Variants in PRKCA observed in about 807,000 individuals in gnomAD.
The protein encoded by PRKCA is protein kinase C alpha.
Under a neutral mutation model 87.0 loss-of-function variants are expected in PRKCA, and 27 were observed. The ratio of observed to expected loss-of-function variants is 0.31; its 90% CI spans 0.23 to 0.43. The LOEUF is 0.43. Among genes scored for constraint, PRKCA ranks in the 20% least tolerant of loss-of-function variants. PRKCA has a pLI of 1.00. For missense variants in PRKCA, 518 were observed against 852.3 expected (o/e 0.61, Z 4.88); for synonymous variants, 329 against 311.1 (o/e 1.06, Z -0.61).
intron 5 of PRKCA, among the ~76,000 whole-genome samples, chr17:66,667,956 T>C (rs1035025400): frequency 2.6e-5 from 4 of 152,196 alleles, no homozygotes; most frequent in Non-Finnish European, 5.9e-5. Context: ...AAACCCACGA[T>C]CAAGACTGGC....
rs111544561 is a variant in PRKCA at position 66,691,861 on chromosome 17, G to A, written c.918+2814G>A. ...ATGTCTGAGACTTAGCTTTGCTGCTGGAGAAATATTGACCCACTCTTTGTG... is the reference window on the plus strand; with the variant it reads ...ATGTCTGAGACTTAGCTTTGCTGCTAGAGAAATATTGACCCACTCTTTGTG... On this transcript the variant is annotated intron_variant, in intron 8 of 16. Transcript: ENST00000413366. Among the ~76,000 whole-genome samples, 849 of 152,334 alleles carry A rather than the reference G, an allele frequency of 5.6e-3. 13 individuals are homozygous for A. The highest frequency in any genetic ancestry group is 0.019 in the African/African-American group (793 of 41,570).
chr17:66,658,832 C>A (rs886546318), intron 5 of PRKCA, among the ~76,000 whole-genome samples: 8 of 152,144 alleles, frequency 5.3e-5, no homozygotes, highest in African/African-American at 1.9e-4. Flanking sequence ...GTAGCTATAA[C>A]CACAGTGGGA....
chr17:66,480,621 G>A (rs1290735866), intron 2 of PRKCA, among the ~76,000 whole-genome samples: 1 of 152,098 alleles, frequency 6.6e-6, no homozygotes, highest in Non-Finnish European at 1.5e-5. Flanking sequence ...GTGTTTACTT[G>A]TACCGTGCCC....
chr17:66,393,765 G>A (rs1412275451), intron 2 of PRKCA, among the ~76,000 whole-genome samples: 1 of 152,006 alleles, frequency 6.6e-6, no homozygotes, highest in Non-Finnish European at 1.5e-5. Context: ...TGAGGGTGAG[G>A]GTTGGCTTTT....
At chr17:66,396,378 A>C (rs1411627884) in intron 2 of PRKCA, among the ~76,000 whole-genome samples, 1 of 152,206 alleles carries the variant, frequency 6.6e-6, no homozygotes, top group African/African-American at 2.4e-5. Context: ...CTTTTCCTTC[A>C]CGTGTAAAAG....
chr17:66,455,331 G>C (rs1914532696), intron 2 of PRKCA, among the ~76,000 whole-genome samples: 1 of 151,894 alleles, frequency 6.6e-6, no homozygotes, highest in Non-Finnish European at 1.5e-5. Flanking sequence ...GCCTCTTATC[G>C]CCACACAGCT....
At chr17:66,690,827 CAA>C (rs34671486) in intron 8 of PRKCA, among the ~76,000 whole-genome samples, 4,969 of 66,328 alleles carry the variant, frequency 0.075, 99 homozygotes, top group East Asian at 0.17. Flanking sequence ...GACTCTGTCT[CAA>C]AAAAAAAAAA....
At chr17:66,407,069 C>A (rs1156618600) in intron 2 of PRKCA, among the ~76,000 whole-genome samples, 1 of 152,006 alleles carries the variant, frequency 6.6e-6, no homozygotes, top group African/African-American at 2.4e-5. Flanking sequence ...AGATTCAGAG[C>A]AACTAATATT....
chr17:66,595,502 C>T (rs1366269490), intron 3 of PRKCA, among the ~76,000 whole-genome samples: 2 of 138,038 alleles, frequency 1.4e-5, no homozygotes, highest in East Asian at 2.0e-4. Flanking sequence ...CTCTGTCACC[C>T]AGGCTGGAGT....
intron 8 of PRKCA, among the ~76,000 whole-genome samples, chr17:66,701,066 C>A (rs1004682540): frequency 9.9e-5 from 15 of 152,116 alleles, no homozygotes; most frequent in Admixed American, 2.6e-4. Context: ...CTATAATAAT[C>A]AACACAGTAT....
chr17:66,670,347 T>C (rs1490701776), intron 5 of PRKCA, among the ~76,000 whole-genome samples: 2 of 152,148 alleles, frequency 1.3e-5, no homozygotes, highest in Non-Finnish European at 2.9e-5. Flanking sequence ...ATGACAAGCA[T>C]TAGAGATCCC....
At chr17:66,694,206 A>G (rs4377194) in intron 8 of PRKCA, among the ~76,000 whole-genome samples, 10,418 of 152,216 alleles carry the variant, frequency 0.068, 389 homozygotes, top group South Asian at 0.14. Context: ...TGATTTGGCC[A>G]GGCGCGGTGG....
intron 2 of PRKCA, among the ~76,000 whole-genome samples, chr17:66,365,005 A>AC (rs1908618134): frequency 6.6e-6 from 1 of 152,230 alleles, no homozygotes; most frequent in Non-Finnish European, 1.5e-5. Flanking sequence ...GTGTTTAAAA[A>AC]GTCCCCAAAG....
intron 13 of PRKCA, among the ~76,000 whole-genome samples, chr17:66,763,439 C>G (rs928440286): frequency 6.6e-5 from 10 of 152,240 alleles, no homozygotes; most frequent in African/African-American, 2.4e-4. Context: ...AGAAAACGTT[C>G]AGGCCTGTCT....
chr17:66,483,715 C>T (rs545215536), intron 2 of PRKCA, among the ~76,000 whole-genome samples: 1 of 152,198 alleles, frequency 6.6e-6, no homozygotes, highest in East Asian at 1.9e-4. Flanking sequence ...CCCGCCTTGG[C>T]CTCCAAAGTG....
intron 3 of PRKCA, among the ~76,000 whole-genome samples, chr17:66,573,533 A>G (rs1393227427): frequency 6.6e-6 from 1 of 152,226 alleles, no homozygotes; most frequent in Non-Finnish European, 1.5e-5. Context: ...GTTTTCTTCT[A>G]ATTATAAAGA....
chr17:66,802,976 G>A (rs557600964), intron 16 of PRKCA, among the ~76,000 whole-genome samples: 3 of 152,240 alleles, frequency 2.0e-5, no homozygotes, highest in East Asian at 1.9e-4. Flanking sequence ...CTGGGCTCCC[G>A]GGGACTTCAA....
At chr17:66,307,402 G>T (rs1904877842) in intron 2 of PRKCA, among the ~76,000 whole-genome samples, 1 of 152,162 alleles carries the variant, frequency 6.6e-6, no homozygotes, top group Admixed American at 6.5e-5. Context: ...GCTTGAACAT[G>T]ACTTTAGGGA....
intron 3 of PRKCA, among the ~76,000 whole-genome samples, chr17:66,567,293 G>A (rs1968931631): frequency 1.3e-5 from 2 of 152,240 alleles, no homozygotes. Flanking sequence ...GAGAAGCTGA[G>A]TGTTGTGCAG....
Sources: allele counts gnomAD v4.1 joint callset (sites outside exome capture counted in the v4.1 genomes callset), GRCh38; gene constraint gnomAD v4.1.1; transcripts MANE v1.5; gene names NCBI Gene and HGNC (gene_info 2026-07-23, HGNC 2026-07-21).